CDH18: variants seen among roughly 807,000 people sequenced by gnomAD.
The protein encoded by CDH18 is cadherin-18.
Under a neutral mutation model 67.9 loss-of-function variants are expected in CDH18, and 31 were observed. That is an observed-to-expected ratio of 0.46 (90% confidence interval 0.34 to 0.62). CDH18 has a LOEUF of 0.62. Ranked by LOEUF, CDH18 falls within the 20% of genes least tolerant of loss-of-function variation. The pLI is 0.01. For synonymous variants in CDH18, 362 were observed against 347.2 expected (o/e 1.04, Z -0.48); for missense variants, 890 against 975.5 (o/e 0.91, Z 1.17).
At chr5:19,552,409 G>T in intron 8 of CDH18, among the ~76,000 whole-genome samples, 1 of 152,004 alleles carries the variant, frequency 6.6e-6, no homozygotes, top group East Asian at 1.9e-4. Context: ...TTAAATCTAA[G>T]AAAAAAAGCA....
At chr5:19,574,143 C>A (rs1741909187) in intron 7 of CDH18, among the ~76,000 whole-genome samples, 1 of 152,212 alleles carries the variant, frequency 6.6e-6, no homozygotes, top group Admixed American at 6.5e-5. Flanking sequence ...TTATCAAGCT[C>A]TGCATCCAAG....
chr5:20,380,750 A>G (rs10073450), intron 1 of CDH18, among the ~76,000 whole-genome samples: 32,334 of 152,120 alleles, frequency 0.21, 3,799 homozygotes, highest in African/African-American at 0.31. Flanking sequence ...AGATGACAGA[A>G]ATAAAGGCTT....
At chr5:19,983,984 A>C (rs1323041869) in intron 1 of CDH18, among the ~76,000 whole-genome samples, 1 of 152,184 alleles carries the variant, frequency 6.6e-6, no homozygotes, top group Non-Finnish European at 1.5e-5. Context: ...AGTGACCTGT[A>C]AACAAATGGA....
intron 5 of CDH18, among the ~76,000 whole-genome samples, chr5:19,671,286 G>T (rs569095387): frequency 6.6e-6 from 1 of 152,040 alleles, no homozygotes; most frequent in Non-Finnish European, 1.5e-5. Context: ...TATTTAAATA[G>T]AATTTGCTCT....
rs200855630 is a variant in CDH18 at position 20,219,789 on chromosome 5, T to TA, written c.-518+35654dup. On this transcript the variant is annotated intron_variant, in intron 2 of 14. Transcript: ENST00000507958. ...TATAAAATTCAACATCCCTTCATGATAAAAAAATCCTCAAAAACTGAATAT... is the reference window on the plus strand; with the variant it reads ...TATAAAATTCAACATCCCTTCATGATAAAAAAAATCCTCAAAAACTGAATAT... Among the ~76,000 whole-genome samples the TA allele has an allele frequency of 9.0e-3, 1,359 of 151,726 alleles. 24 individuals are homozygous for TA. The highest frequency in any genetic ancestry group is 0.03 in the African/African-American group (1,234 of 41,458).
intron 1 of CDH18, among the ~76,000 whole-genome samples, chr5:20,258,602 T>C (rs1046859471): frequency 3.3e-5 from 5 of 152,196 alleles, no homozygotes; most frequent in African/African-American, 1.2e-4. Context: ...AAATTAACTA[T>C]CACATATGTG....
chr5:19,853,194 C>T (rs1305534010), intron 2 of CDH18, among the ~76,000 whole-genome samples: 3 of 152,042 alleles, frequency 2.0e-5, no homozygotes, highest in Non-Finnish European at 4.4e-5. Flanking sequence ...GACTTGATTT[C>T]TGATAAGGTC....
At chr5:20,234,030 A>G (rs535521841) in intron 2 of CDH18, among the ~76,000 whole-genome samples, 2 of 152,224 alleles carry the variant, frequency 1.3e-5, no homozygotes, top group East Asian at 3.9e-4. Flanking sequence ...ACTCACATGT[A>G]CCATAATAAC....
intron 11 of CDH18, among the ~76,000 whole-genome samples, chr5:19,493,732 TAAA>T (rs1385926342): frequency 2.6e-5 from 4 of 152,212 alleles, no homozygotes; most frequent in Non-Finnish European, 4.4e-5. Context: ...TTGTTTCTGG[TAAA>T]TGTTTAATCA....
intron 2 of CDH18, among the ~76,000 whole-genome samples, chr5:20,217,716 CA>C (rs1345162424): frequency 3.3e-5 from 5 of 151,462 alleles, no homozygotes; most frequent in Non-Finnish European, 7.4e-5. Flanking sequence ...ACTCTCCAAG[CA>C]AAAGACAGAA....
intron 2 of CDH18, among the ~76,000 whole-genome samples, chr5:20,082,278 C>T (rs1032060307): frequency 2.0e-5 from 3 of 152,076 alleles, no homozygotes; most frequent in African/African-American, 7.2e-5. Flanking sequence ...GGAAGTAATG[C>T]TTCACAGCAA....
At chr5:20,473,733 T>C (rs1752247589) in intron 1 of CDH18, among the ~76,000 whole-genome samples, 2 of 152,176 alleles carry the variant, frequency 1.3e-5, no homozygotes, top group Non-Finnish European at 2.9e-5. Context: ...TTATTTTTTA[T>C]ATTTTTGCCA....
intron 5 of CDH18, among the ~76,000 whole-genome samples, chr5:19,680,770 G>A (rs1760182726): frequency 6.6e-6 from 1 of 151,902 alleles, no homozygotes; most frequent in African/African-American, 2.4e-5. Context: ...AAATATGCTG[G>A]TGAGGTTGCA....
intron 1 of CDH18, among the ~76,000 whole-genome samples, chr5:20,503,075 TAGAC>T (rs1273551135): frequency 1.6e-4 from 25 of 152,174 alleles, no homozygotes; most frequent in African/African-American, 5.1e-4. Flanking sequence ...GTGCTGCAAA[TAGAC>T]AGGTTTTTTA....
intron 5 of CDH18, among the ~76,000 whole-genome samples, chr5:19,688,805 T>C (rs1408949580): frequency 6.6e-6 from 1 of 152,022 alleles, no homozygotes; most frequent in Non-Finnish European, 1.5e-5. Context: ...AACTTATTCA[T>C]GTCCTACGTG....
intron 2 of CDH18, among the ~76,000 whole-genome samples, chr5:19,917,003 A>G (rs1268000090): frequency 6.6e-6 from 1 of 152,180 alleles, no homozygotes; most frequent in Non-Finnish European, 1.5e-5. Flanking sequence ...TGCAATCTAC[A>G]CTTCTTTAAA....
chr5:20,195,163 C>T (rs1738874108), intron 2 of CDH18, among the ~76,000 whole-genome samples: 2 of 152,154 alleles, frequency 1.3e-5, no homozygotes, highest in South Asian at 4.1e-4. Flanking sequence ...CAATTATCAT[C>T]ATAGACTTAA....
rs528189036 is a variant in CDH18, at chr5:19,821,022, A to G, written c.228+17737T>C. On this transcript the variant is annotated intron_variant, in intron 3 of 12. Coordinates refer to ENST00000382275, the MANE Select transcript of CDH18 (RefSeq NM_004934.5). ...ATCTCAGATGAGAAGACATTGGCAC[A>G]AAAACTCCATTAATTTAATCTTTGG... Among the ~76,000 whole-genome samples, 3 of 152,326 alleles carry G rather than the reference A, an allele frequency of 2.0e-5. 1 individual carries two copies. Among genetic ancestry groups the G allele is most frequent in the African/African-American group, 7.2e-5 (3 of 41,572 alleles).
intron 3 of CDH18, among the ~76,000 whole-genome samples, chr5:19,815,074 T>C (rs1439462809): frequency 6.6e-6 from 1 of 152,068 alleles, no homozygotes; most frequent in Non-Finnish European, 1.5e-5. Context: ...ATAATTAACC[T>C]TAATTAAATC....
Sources: gnomAD v4.1 joint callset for allele counts (sites outside exome capture counted in the v4.1 genomes callset) on GRCh38, gnomAD v4.1.1 for gene constraint, MANE v1.5 for transcripts, NCBI Gene and HGNC (gene_info 2026-07-23, HGNC 2026-07-21) for gene names.